Variants in LIPA observed in about 807,000 individuals in gnomAD.
LIPA encodes lipase A, lysosomal acid type.
In LIPA, 26 loss-of-function variants were observed where a neutral mutation model predicts 40.6. The observed-to-expected ratio is 0.64, with a 90% CI of 0.47 to 0.89. The LOEUF (loss-of-function observed/expected upper bound fraction) is 0.89, where lower values mean the gene tolerates loss of function less well. LIPA is among the 40% of genes least tolerant of loss of function. The pLI, the probability that LIPA is intolerant of heterozygous loss-of-function variation, is 0.00. For synonymous variants in LIPA, 188 were observed against 168.4 expected, an observed-to-expected ratio of 1.12 and a Z score of -0.90; for missense variants, 455 against 479.6, an observed-to-expected ratio of 0.95 and a Z score of 0.48.
rs1416097534 is a variant in LIPA, at chr10:89,215,027, A to G, written c.1001T>C (p.Leu334Pro). Reference protein sequence around the residue: ...YPPTYNVKDMLVPTAVWSGGH... With the variant: ...YPPTYNVKDMPVPTAVWSGGH... ...CCCGCTCCAGACTGCAGTCGGCACA[A>G]GCATGTCCTTCACATTGTATGTGGG... Residue 334 changes from leucine to proline, a missense_variant, in exon 10 of 10, where the codon CTT becomes CCT. Leu to Pro is a moderately conservative substitution (Grantham distance 98, BLOSUM62 -3). Transcript: ENST00000336233. 1.9e-6 allele frequency: 3 copies of G among 1,613,896 alleles called. No homozygotes were observed. The highest frequency in any genetic ancestry group is 2.5e-6 in the Non-Finnish European group (3 of 1,179,858).
At chr10:89,267,760 A>G (rs921121808) in intron 1 of LIPA, among the ~76,000 whole-genome samples, 10 of 151,784 alleles carry the variant, frequency 6.6e-5, no homozygotes, top group African/African-American at 2.2e-4. Flanking sequence ...AAAAAAAAAA[A>G]AAAGAAAGAA....
At chr10:89,402,476 G>A (rs771981552) in intron 2 of LIPA, 3 of 1,614,090 alleles carry the variant, frequency 1.9e-6, no homozygotes, top group Admixed American at 3.3e-5. Flanking sequence ...TGAAAGGCCA[G>A]AATGAGGAAG....
intron 8 of LIPA, among the ~76,000 whole-genome samples, chr10:89,219,162 T>C (rs1279409709): frequency 6.6e-6 from 1 of 152,178 alleles, no homozygotes; most frequent in East Asian, 1.9e-4. Flanking sequence ...AGTATGTTTT[T>C]TCCTTTAAAG....
chr10:89,368,063 C>T (rs1481909747), intron 2 of LIPA, among the ~76,000 whole-genome samples: 4 of 152,118 alleles, frequency 2.6e-5, no homozygotes, highest in Non-Finnish European at 5.9e-5. Flanking sequence ...TCAAGAAGTC[C>T]TCCTGCCTTG....
chr10:89,219,533 C>T (rs1564750702), intron 8 of LIPA, among the ~76,000 whole-genome samples: 1 of 152,164 alleles, frequency 6.6e-6, no homozygotes, highest in East Asian at 1.9e-4. Flanking sequence ...CAAGTTAATC[C>T]TAATTATTTA....
intron 1 of LIPA, among the ~76,000 whole-genome samples, chr10:89,299,764 T>C (rs560101375): frequency 1.4e-4 from 21 of 150,326 alleles, no homozygotes; most frequent in Non-Finnish European, 2.8e-4. Flanking sequence ...AAAAAAAAAA[T>C]AACAAATGCT....
At chr10:89,343,588 GTC>G (rs1843890919), upstream of LIPA, among the ~76,000 whole-genome samples, 1 of 152,160 alleles carries the variant, frequency 6.6e-6, no homozygotes, top group South Asian at 2.1e-4. Context: ...CCCTTCCAAT[GTC>G]TTTCAGTTCA....
chr10:89,293,371 A>G (rs1264125137), intron 1 of LIPA, among the ~76,000 whole-genome samples: 5 of 151,986 alleles, frequency 3.3e-5, no homozygotes, highest in Non-Finnish European at 7.4e-5. Flanking sequence ...CATCTCTATT[A>G]CTTAACAGCA....
rs975448181 is a variant in LIPA at position 89,309,725 on chromosome 10, C to T, written c.-2+32886G>A. On this transcript the variant is annotated intron_variant, in intron 1 of 5. Transcript: ENST00000282673. The stretch of plus-strand genomic sequence containing the variant: ...GAAAAGGGAAACATAACATATTACA[C>T]TTAATATGAGGGCTTAAAGTTAACA... Among the ~76,000 whole-genome samples, 2 of 152,150 alleles carry T rather than the reference C, an allele frequency of 1.3e-5. 1 individual carries two copies. Among genetic ancestry groups the T allele is most frequent in the South Asian group, 4.1e-4 (2 of 4,826 alleles).
chr10:89,305,897 C>T, intron 1 of LIPA: 2 of 1,132,930 alleles, frequency 1.8e-6, no homozygotes, highest in South Asian at 1.4e-5. Context: ...TTTTATTTGC[C>T]ATGCTCCCAT....
At chr10:89,414,334 C>A (rs771705206) in intron 1 of LIPA, 2 of 156,478 alleles carry the variant, frequency 1.3e-5, no homozygotes, top group Non-Finnish European at 2.8e-5. Flanking sequence ...CTGGGTGACA[C>A]AGTGAGACGC....
intron 2 of LIPA, among the ~76,000 whole-genome samples, chr10:89,352,681 T>A (rs1843966013): frequency 6.8e-6 from 1 of 146,266 alleles, no homozygotes; most frequent in African/African-American, 2.5e-5. Context: ...GGAAGGAAAA[T>A]AAATCTTGGG....
rs1318665717 is a variant in LIPA, at chr10:89,248,442, ATATTTATTTATTTATTTATTTAT to A, written c.-1-816_-1-794del. 8.9e-4 allele frequency among the ~76,000 whole-genome samples: 121 copies of A among 136,398 alleles called. 3 individuals are homozygous for A. Among genetic ancestry groups the A allele is most frequent in the East Asian group, 8.8e-3 (42 of 4,770 alleles). The allele number at this position is 136,398 out of a possible 152,430, so 89.5% of individuals were successfully genotyped here. On this transcript the variant is annotated intron_variant, in intron 1 of 9. Transcript: ENST00000336233. Reference sequence around the variant, plus strand: ...AAGGAATTATTATTATTATTATTTTATATTTATTTATTTATTTATTTATTTATTTATTTATTTATTTATTTATT... The same window carrying A: ...AAGGAATTATTATTATTATTATTTTATTATTTATTTATTTATTTATTTATT...
At chr10:89,333,825 G>T (rs1349810657) in intron 1 of LIPA, among the ~76,000 whole-genome samples, 1 of 152,202 alleles carries the variant, frequency 6.6e-6, no homozygotes, top group Non-Finnish European at 1.5e-5. Context: ...CCGGGAGGTT[G>T]TAAGAAAGGT....
intron 8 of LIPA, among the ~76,000 whole-genome samples, chr10:89,222,020 C>T: frequency 6.6e-6 from 1 of 152,182 alleles, no homozygotes; most frequent in East Asian, 1.9e-4. Flanking sequence ...CCCCCATTCA[C>T]ATCTATCATT....
At chr10:89,339,815 C>T in intron 1 of LIPA, 1 of 1,614,074 alleles carries the variant, frequency 6.2e-7, no homozygotes, top group Non-Finnish European at 8.5e-7. Context: ...GAGGGTTTGT[C>T]CATAAGCAAA....
At chr10:89,271,247 G>A (rs1455229057) in intron 1 of LIPA, among the ~76,000 whole-genome samples, 1 of 152,190 alleles carries the variant, frequency 6.6e-6, no homozygotes, top group East Asian at 1.9e-4. Context: ...AATGGCCAAT[G>A]CAGTACTCCT....
intron 1 of LIPA, among the ~76,000 whole-genome samples, chr10:89,318,012 A>G (rs1843550302): frequency 6.6e-6 from 1 of 152,192 alleles, no homozygotes; most frequent in South Asian, 2.1e-4. Flanking sequence ...CAGACAAGCA[A>G]AGGCTGAGAG....
intron 2 of LIPA, among the ~76,000 whole-genome samples, chr10:89,365,564 T>C (rs1192970006): frequency 2.0e-5 from 3 of 152,204 alleles, no homozygotes; most frequent in African/African-American, 7.2e-5. Context: ...GGTTTTCTTC[T>C]AGGGTTTTTA....
Sources: allele counts gnomAD v4.1 joint callset (sites outside exome capture counted in the v4.1 genomes callset), GRCh38; gene constraint gnomAD v4.1.1; transcripts MANE v1.5; gene names NCBI Gene and HGNC (gene_info 2026-07-23, HGNC 2026-07-21).